The following KIAA1549 variants were observed in gnomAD, a reference collection of about 807,000 sequenced individuals.
The protein encoded by KIAA1549 is KIAA1549.
Under a neutral mutation model 156.4 loss-of-function variants are expected in KIAA1549, and 70 were observed. The ratio of observed to expected loss-of-function variants is 0.45; its 90% CI spans 0.37 to 0.55. The LOEUF (loss-of-function observed/expected upper bound fraction) is 0.55. Ranked by LOEUF, KIAA1549 falls within the 20% of genes least tolerant of loss-of-function variation. The pLI, the probability that KIAA1549 is intolerant of heterozygous loss-of-function variation, is 0.00. For missense variants in KIAA1549, 2,428 were observed against 2,540.9 expected, an observed-to-expected ratio of 0.96 and a Z score of 0.96; for synonymous variants, 1,103 against 1,066.4, an observed-to-expected ratio of 1.03 and a Z score of -0.67.
At chr7:138,921,805 C>G (rs1267587200) in intron 1 of KIAA1549, among the ~76,000 whole-genome samples, 1 of 151,970 alleles carries the variant, frequency 6.6e-6, no homozygotes, top group Admixed American at 6.6e-5. Flanking sequence ...GCGGAGGGTT[C>G]AGAGAGCCGT....
intron 12 of KIAA1549, among the ~76,000 whole-genome samples, chr7:138,878,567 C>G (rs960711369): frequency 2.0e-5 from 3 of 152,138 alleles, no homozygotes; most frequent in Non-Finnish European, 4.4e-5. Context: ...TCAAGACCAG[C>G]CTGAGCAACA....
intron 7 of KIAA1549, among the ~76,000 whole-genome samples, chr7:138,904,295 G>A (rs1811946116): frequency 6.6e-6 from 1 of 152,214 alleles, no homozygotes; most frequent in Non-Finnish European, 1.5e-5. Context: ...ACTGGTTTAA[G>A]TTTTCTTTGA....
At chr7:138,960,688 G>T (rs1813817984) in intron 1 of KIAA1549, among the ~76,000 whole-genome samples, 1 of 152,152 alleles carries the variant, frequency 6.6e-6, no homozygotes, top group Admixed American at 6.5e-5. Flanking sequence ...GACACCCCAG[G>T]CTGGAGCCCA....
Position 138,899,075 on chromosome 7 carries a change from C to T in KIAA1549, c.3727G>A (p.Val1243Met), listed in dbSNP as rs1811769203. The T allele has an allele frequency of 6.2e-7, 1 of 1,613,732 alleles. No individual in the cohort carries two copies. The highest frequency in any genetic ancestry group is 2.2e-5 in the East Asian group (1 of 44,894). ...AGTCTTTCTCCATCTTGATCCTCCA[C>T]AAAGTAGATGAGCTGTACCGGATTG... The part of the protein sequence containing the change: ...DDNPVQLIYF[V>M]EDQDGERLSA... The change falls in exon 9 of 20, where the codon GTG becomes ATG. Residue 1243 changes from valine (V) to methionine (M), a missense_variant. Transcript: ENST00000422774.
chr7:138,887,195 C>T (rs944501055), intron 10 of KIAA1549, among the ~76,000 whole-genome samples: 1 of 152,036 alleles, frequency 6.6e-6, no homozygotes, highest in East Asian at 1.9e-4. Flanking sequence ...CAGGCATGAG[C>T]CACCACGCCT....
intron 12 of KIAA1549, among the ~76,000 whole-genome samples, chr7:138,873,268 G>C (rs1341502897): frequency 6.6e-6 from 1 of 152,210 alleles, no homozygotes; most frequent in Non-Finnish European, 1.5e-5. Flanking sequence ...GTCTGAGCCA[G>C]AGGACACCAT....
intron 1 of KIAA1549, among the ~76,000 whole-genome samples, chr7:138,920,466 GATGAATGA>G (rs71169064): frequency 1.1e-4 from 16 of 151,684 alleles, no homozygotes; most frequent in South Asian, 4.2e-4. Flanking sequence ...CACTTGGATT[GATGAATGA>G]ATGAATGAAT....
At chr7:138,920,748 A>C (rs990315784) in intron 1 of KIAA1549, among the ~76,000 whole-genome samples, 1 of 152,202 alleles carries the variant, frequency 6.6e-6, no homozygotes, top group Non-Finnish European at 1.5e-5. Flanking sequence ...ATGCATAACA[A>C]CACCTCGTTT....
Position 138,917,786 on chromosome 7 carries a change from G to GTT in KIAA1549, c.1839_1840insAA (p.His614AsnfsTer38), listed in dbSNP as rs1812386569. On this transcript the variant is annotated frameshift_variant, in exon 2 of 20. Transcript: ENST00000422774. LOFTEE classifies it high-confidence loss of function. ...AAATCCAAAGCACCTCTGGGTTTAT[G>GTT]CTCAGAAAAACTGGAACGTTCTTGG... is the stretch of plus-strand genomic sequence containing the variant. 6.3e-7 allele frequency: 1 copy of GTT among 1,581,282 alleles called. No homozygotes were observed. Among genetic ancestry groups the GTT allele is most frequent in the Non-Finnish European group, 8.6e-7 (1 of 1,163,596 alleles).
chr7:138,898,623 G>A (rs1009119187), intron 9 of KIAA1549, among the ~76,000 whole-genome samples: 1 of 152,114 alleles, frequency 6.6e-6, no homozygotes, highest in Admixed American at 6.5e-5. Context: ...AATAAATACA[G>A]AGCAAACACA....
Position 138,869,669 on chromosome 7 carries a change from C to G in KIAA1549, c.4644G>C (p.Pro1548=), listed in dbSNP as rs374764383. 4 of 1,612,332 alleles carry G rather than the reference C, an allele frequency of 2.5e-6. No individual in the cohort carries two copies. Among genetic ancestry groups the G allele is most frequent in the African/African-American group, 1.3e-5 (1 of 75,028 alleles). Residue 1548 remains proline (P), a synonymous_variant, in exon 14 of 20, where the codon CCG becomes CCC. Transcript: ENST00000422774. ...CGCCCGAGGACAGGTCGTCTACCAC[C>G]GGGAACTCGTAGTGCCCGCGGCGCT... The part of the protein sequence containing the change: ...RAKRRGHYEF[P]VVDDLSSGDT...
At chr7:138,875,798 AC>A (rs1408975391) in intron 12 of KIAA1549, among the ~76,000 whole-genome samples, 3 of 151,966 alleles carry the variant, frequency 2.0e-5, no homozygotes, top group African/African-American at 7.3e-5. Flanking sequence ...CAGTCAAACC[AC>A]TTTTTTTGTC....
intron 12 of KIAA1549, among the ~76,000 whole-genome samples, chr7:138,875,622 G>C (rs1470380241): frequency 1.3e-5 from 2 of 151,620 alleles, no homozygotes; most frequent in Admixed American, 6.6e-5. Context: ...TCGAGACTGG[G>C]TAAGCAAAAA....
At chr7:138,952,121 G>A (rs908970164) in intron 1 of KIAA1549, among the ~76,000 whole-genome samples, 1 of 152,154 alleles carries the variant, frequency 6.6e-6, no homozygotes, top group East Asian at 1.9e-4. Context: ...AGAGCCCCCG[G>A]CACTTTACCC....
At chr7:138,854,761 T>C (rs1034709233) in intron 16 of KIAA1549, among the ~76,000 whole-genome samples, 5 of 152,096 alleles carry the variant, frequency 3.3e-5, no homozygotes, top group Admixed American at 1.3e-4. Flanking sequence ...GAGAAAACCA[T>C]TGAATAATGG....
At chr7:138,905,941 C>CA (rs1158764765) in intron 6 of KIAA1549, among the ~76,000 whole-genome samples, 22 of 152,188 alleles carry the variant, frequency 1.4e-4, no homozygotes, top group Non-Finnish European at 3.1e-4. Flanking sequence ...TCACAACCCC[C>CA]AAAACACTGC....
chr7:138,908,873 A>T, intron 5 of KIAA1549, 118 bp downstream of exon 5: 1 of 1,224,698 alleles, frequency 8.2e-7, no homozygotes. Flanking sequence ...ATCCCGACTC[A>T]CATAAACTGG....
At chr7:138,926,250 C>T (rs751630556) in intron 1 of KIAA1549, among the ~76,000 whole-genome samples, 1 of 152,144 alleles carries the variant, frequency 6.6e-6, no homozygotes, top group Non-Finnish European at 1.5e-5. Flanking sequence ...AACCACTCCC[C>T]AACTTCGCAA....
chr7:138,837,515 G>A lies in KIAA1549; in HGVS notation c.*391C>T, dbSNP rs1022566929. On this transcript the variant is annotated 3_prime_UTR_variant, in exon 20 of 20. Coordinates refer to ENST00000422774, the MANE Select transcript of KIAA1549 (RefSeq NM_001164665.2). ...CAGAAAACAAAGCAGCAGGTTCATCGTACACGTACCAGTCTCAATCCCACA... is the reference window on the plus strand; with the variant it reads ...CAGAAAACAAAGCAGCAGGTTCATCATACACGTACCAGTCTCAATCCCACA... 5.0e-5 allele frequency: 16 copies of A among 320,358 alleles called. No homozygotes were observed. Among genetic ancestry groups the A allele is most frequent in the East Asian group, 3.3e-4 (7 of 21,198 alleles). The allele number at this position is 320,358 out of a possible 1,614,324, so 19.8% of individuals were successfully genotyped here.
Sources: allele counts gnomAD v4.1 joint callset (sites outside exome capture counted in the v4.1 genomes callset), GRCh38; gene constraint gnomAD v4.1.1; transcripts MANE v1.5; gene names NCBI Gene and HGNC (gene_info 2026-07-23, HGNC 2026-07-21).